TENT4A: variants seen among roughly 807,000 people sequenced by gnomAD.
The protein encoded by TENT4A is terminal nucleotidyltransferase 4A.
TENT4A carries 7 observed loss-of-function variants against 72.8 expected under a neutral mutation model. The ratio of observed to expected loss-of-function variants is 0.10; its 90% CI spans 0.05 to 0.18. The LOEUF (loss-of-function observed/expected upper bound fraction) is 0.18, where lower values mean the gene tolerates loss of function less well. Ranked by LOEUF, TENT4A falls within the 10% of genes least tolerant of loss-of-function variation. The pLI, the probability that TENT4A is intolerant of heterozygous loss-of-function variation, is 1.00. For missense variants in TENT4A, 831 were observed against 1,017.7 expected (o/e 0.82, Z 2.50); for synonymous variants, 456 against 434.3 (o/e 1.05, Z -0.62).
intron 6 of TENT4A, chr5:6,745,846 G>A (rs1742063615): frequency 2.9e-6 from 1 of 340,736 alleles, no homozygotes; most frequent in Non-Finnish European, 5.2e-6. Context: ...TCAGCATAAC[G>A]AAATTAGGAT....
intron 1 of TENT4A, among the ~76,000 whole-genome samples, chr5:6,716,651 A>G (rs2126591476): frequency 6.6e-6 from 1 of 152,164 alleles, no homozygotes; most frequent in East Asian, 1.9e-4. Flanking sequence ...CACATTAAAG[A>G]CTAAAGCCTA....
intron 1 of TENT4A, among the ~76,000 whole-genome samples, chr5:6,721,319 A>T (rs893643335): frequency 2.6e-5 from 4 of 152,234 alleles, no homozygotes; most frequent in South Asian, 2.1e-4. Context: ...TTAGAATTTT[A>T]AAAAATAAAG....
chr5:6,716,644 A>G (rs560749493), intron 1 of TENT4A, among the ~76,000 whole-genome samples: 47 of 151,952 alleles, frequency 3.1e-4, no homozygotes, highest in African/African-American at 1.0e-3. Context: ...AATCCCCCAC[A>G]TTAAAGACTA....
Position 6,714,035 on chromosome 5 carries a change from G to A in TENT4A, c.52G>A (p.Ala18Thr), listed in dbSNP as rs1375991690. 4.0e-6 allele frequency: 4 copies of A among 989,058 alleles called. No homozygotes were observed. The highest frequency in any genetic ancestry group is 4.8e-6 in the Non-Finnish European group (4 of 833,328). The allele number at this position is 989,058 out of a possible 1,614,324, so 61.3% of individuals were successfully genotyped here. Residue 18 changes from alanine to threonine, a missense_variant, in exon 1 of 13, where the codon GCC becomes ACC. Coordinates refer to ENST00000230859, the MANE Select transcript of TENT4A (RefSeq NM_006999.6). ...IQPEQKGPAN[A>T]LWMQIWETSQ... ...GCCCGAGCAGAAGGGGCCGGCCAAT[G>A]CCCTGTGGATGCAGATCTGGGAGAC...
intron 4 of TENT4A, among the ~76,000 whole-genome samples, chr5:6,740,677 A>C (rs537766318): frequency 6.6e-6 from 1 of 152,206 alleles, no homozygotes; most frequent in Non-Finnish European, 1.5e-5. Context: ...CACATGTACC[A>C]GGTGCACCTC....
intron 5 of TENT4A, among the ~76,000 whole-genome samples, 162 bp downstream of exon 5, chr5:6,742,759 T>A (rs1741874853): frequency 6.6e-6 from 1 of 152,240 alleles, no homozygotes. Flanking sequence ...TAGAGATACT[T>A]TGAAATTACA....
At chr5:6,750,291 G>T (rs755775910) in intron 9 of TENT4A, 40 bp from the exon 10 acceptor site, 1 of 1,557,378 alleles carries the variant, frequency 6.4e-7, no homozygotes, top group Non-Finnish European at 8.7e-7. Flanking sequence ...CCACGCCGCA[G>T]TTCTCAGGAG....
intron 4 of TENT4A, among the ~76,000 whole-genome samples, chr5:6,740,305 A>C (rs1288183817): frequency 1.3e-5 from 2 of 152,206 alleles, no homozygotes. Flanking sequence ...AAAAATATAC[A>C]TATATGAAAA....
At chr5:6,751,268 G>T (rs28381420) in intron 11 of TENT4A, 71 bp downstream of exon 11, 1 of 1,462,142 alleles carries the variant, frequency 6.8e-7, no homozygotes, top group African/African-American at 1.4e-5. Flanking sequence ...ATATGCACTA[G>T]AGGAGATTGA....
chr5:6,723,699 G>C (rs1740771289), intron 1 of TENT4A, among the ~76,000 whole-genome samples: 1 of 152,176 alleles, frequency 6.6e-6, no homozygotes, highest in African/African-American at 2.4e-5. Flanking sequence ...CTTTTGCTTT[G>C]TTTTCCTAAA....
At chr5:6,735,938 T>C (rs1741463407) in intron 1 of TENT4A, among the ~76,000 whole-genome samples, 1 of 152,120 alleles carries the variant, frequency 6.6e-6, no homozygotes, top group Admixed American at 6.5e-5. Context: ...TTTTTTTCTA[T>C]TTTTAGCAGA....
intron 1 of TENT4A, 57 bp downstream of exon 1, chr5:6,714,756 C>CCCGCGGTCCTGGCCGGCGT (rs1272500710): frequency 3.8e-6 from 4 of 1,048,372 alleles, no homozygotes; most frequent in Non-Finnish European, 4.8e-6. Flanking sequence ...CTGGCCGGCG[C>CCCGCGGTCCTGGCCGGCGT]CCGCGGTGCA....
At chr5:6,748,778 T>G (rs1354202404) in intron 8 of TENT4A, among the ~76,000 whole-genome samples, 188 bp downstream of exon 8, 1 of 152,174 alleles carries the variant, frequency 6.6e-6, no homozygotes, top group Non-Finnish European at 1.5e-5. Context: ...CATCCATGGT[T>G]GAGAGTTGAA....
At chr5:6,751,765 T>C (rs2126658884) in intron 11 of TENT4A, among the ~76,000 whole-genome samples, 1 of 152,392 alleles carries the variant, frequency 6.6e-6, no homozygotes, top group East Asian at 1.9e-4. Context: ...CACTTGAATA[T>C]GTGTGGGTAT....
Position 6,714,574 on chromosome 5 carries a change from C to T in TENT4A, c.591C>T (p.Tyr197=), listed in dbSNP as rs983671160. The change falls in exon 1 of 13, where the codon TAC becomes TAT. Residue 197 remains tyrosine, a synonymous_variant. Coordinates refer to ENST00000230859, the MANE Select transcript of TENT4A (RefSeq NM_006999.6). The part of the protein sequence containing the change: ...RRKRENKAST[Y]GLNYLLSGSR... ...AACGCGAGAACAAGGCCAGCACCTA[C>T]GGCCTCAACTACCTGCTGTCCGGCA... 1.4e-5 allele frequency: 17 copies of T among 1,198,538 alleles called. No homozygotes were observed. Among genetic ancestry groups the T allele is most frequent in the African/African-American group, 6.4e-5 (4 of 62,952 alleles). The allele number at this position is 1,198,538 out of a possible 1,614,324, so 74.2% of individuals were successfully genotyped here.
intron 2 of TENT4A, among the ~76,000 whole-genome samples, chr5:6,738,294 C>T (rs547370860): frequency 1.1e-4 from 17 of 152,174 alleles, no homozygotes; most frequent in Non-Finnish European, 1.5e-4. Flanking sequence ...CAGTTTTCTG[C>T]GCCTCTTTTA....
At chr5:6,751,514 A>T (rs540883112) in intron 11 of TENT4A, 5 of 281,998 alleles carry the variant, frequency 1.8e-5, no homozygotes, top group African/African-American at 1.1e-4. Context: ...TGAGAGAGCG[A>T]CTCAGTCACG....
intron 6 of TENT4A, 111 bp from the exon 7 acceptor site, chr5:6,746,103 A>C: frequency 6.4e-7 from 1 of 1,565,324 alleles, no homozygotes; most frequent in Non-Finnish European, 8.6e-7. Context: ...AGCGAGTGCC[A>C]CTCACTGGTA....
intron 7 of TENT4A, among the ~76,000 whole-genome samples, chr5:6,747,908 C>G (rs1326480052): frequency 6.6e-6 from 1 of 152,202 alleles, no homozygotes; most frequent in African/African-American, 2.4e-5. Flanking sequence ...CTTTGATTTG[C>G]TGTCCCAGTT....
Sources: gnomAD v4.1 joint callset for allele counts (sites outside exome capture counted in the v4.1 genomes callset) on GRCh38, gnomAD v4.1.1 for gene constraint, MANE v1.5 for transcripts, NCBI Gene and HGNC (gene_info 2026-07-23, HGNC 2026-07-21) for gene names.